CCSER1: variants seen among roughly 807,000 people sequenced by gnomAD.
CCSER1 encodes serine-rich coiled-coil domain-containing protein 1.
CCSER1 carries 41 observed loss-of-function variants against 82.0 expected under a neutral mutation model. That is an observed-to-expected ratio of 0.50 (90% CI 0.39 to 0.65). CCSER1 has a LOEUF of 0.65. CCSER1 is among the 30% of genes least tolerant of loss of function. The probability of loss-of-function intolerance (pLI) is 0.00; values close to 1 mark genes in which losing one functional copy is unlikely to be tolerated. For missense variants in CCSER1, 1,119 were observed against 1,064.2 expected, an observed-to-expected ratio of 1.05 and a Z score of -0.72; for synonymous variants, 414 against 383.9, an observed-to-expected ratio of 1.08 and a Z score of -0.92.
chr4:90,852,772 C>A (rs541225352), intron 8 of CCSER1, among the ~76,000 whole-genome samples: 1 of 152,116 alleles, frequency 6.6e-6, no homozygotes, highest in Non-Finnish European at 1.5e-5. Flanking sequence ...TTGTTACAAG[C>A]AAATAATTAA....
chr4:90,266,816 G>C (rs559118015), intron 1 of CCSER1, among the ~76,000 whole-genome samples: 31 of 152,116 alleles, frequency 2.0e-4, no homozygotes, highest in African/African-American at 5.5e-4. Context: ...TGGCTAAACT[G>C]TCTGGGGTCC....
chr4:90,602,288 T>C (rs1167805559), intron 5 of CCSER1, among the ~76,000 whole-genome samples: 1 of 152,186 alleles, frequency 6.6e-6, no homozygotes, highest in Non-Finnish European at 1.5e-5. Context: ...TACCTGGTAA[T>C]ATTCCTTGAA....
chr4:90,543,238 A>G (rs60873489), intron 5 of CCSER1, among the ~76,000 whole-genome samples: 2,189 of 152,256 alleles, frequency 0.014, 52 homozygotes, highest in African/African-American at 0.048. Flanking sequence ...CCGAAAGAAT[A>G]TATATCAACC....
intron 1 of CCSER1, among the ~76,000 whole-genome samples, chr4:90,191,419 G>T (rs1440923132): frequency 1.3e-5 from 2 of 152,002 alleles, no homozygotes; most frequent in Admixed American, 6.6e-5. Context: ...CTGGCCCTTT[G>T]TTGGTCAAGA....
At chr4:90,359,863 GTGTATATATA>G (rs1448586652) in intron 3 of CCSER1, among the ~76,000 whole-genome samples, 97 of 146,746 alleles carry the variant, frequency 6.6e-4, no homozygotes, top group African/African-American at 2.3e-3. Flanking sequence ...GTATATATAT[GTGTATATATA>G]TGTGTGTATA....
intron 8 of CCSER1, among the ~76,000 whole-genome samples, chr4:90,834,984 T>C (rs909618485): frequency 2.0e-5 from 3 of 152,228 alleles, no homozygotes; most frequent in African/African-American, 7.2e-5. Flanking sequence ...TTTTATTTTA[T>C]TTTAAAGTAT....
chr4:91,463,694 C>A (rs1035569911), intron 10 of CCSER1, among the ~76,000 whole-genome samples: 8 of 152,022 alleles, frequency 5.3e-5, no homozygotes, highest in Middle Eastern at 3.2e-3. Context: ...GGCACGAGAG[C>A]TACGTGATTA....
intron 6 of CCSER1, among the ~76,000 whole-genome samples, chr4:90,656,576 G>C (rs1729743211): frequency 6.6e-6 from 1 of 151,478 alleles, no homozygotes; most frequent in African/African-American, 2.4e-5. Flanking sequence ...CATATAGTTG[G>C]CTTTTATGGT....
intron 9 of CCSER1, among the ~76,000 whole-genome samples, chr4:91,037,069 T>A (rs2150568430): frequency 6.6e-6 from 1 of 152,132 alleles, no homozygotes; most frequent in South Asian, 2.1e-4. Context: ...AGAGTGAGAC[T>A]CTGTCTCAAA....
At chr4:91,543,535 G>C (rs574207940) in intron 10 of CCSER1, among the ~76,000 whole-genome samples, 1 of 152,124 alleles carries the variant, frequency 6.6e-6, no homozygotes, top group Non-Finnish European at 1.5e-5. Flanking sequence ...TGGCTGTAAA[G>C]GATTTTCTTT....
intron 10 of CCSER1, among the ~76,000 whole-genome samples, chr4:91,277,561 T>G (rs1412982749): frequency 6.6e-6 from 1 of 150,440 alleles, no homozygotes; most frequent in Non-Finnish European, 1.5e-5. Flanking sequence ...ATTTTATTTG[T>G]TTTTTTTCCT....
At chr4:91,043,795 C>T (rs1349271597) in intron 9 of CCSER1, among the ~76,000 whole-genome samples, 1 of 152,046 alleles carries the variant, frequency 6.6e-6, no homozygotes, top group African/African-American at 2.4e-5. Context: ...GCCCTGTTGG[C>T]CAGGTTAGTC....
chr4:90,574,865 T>C (rs1466046217), intron 5 of CCSER1, among the ~76,000 whole-genome samples: 1 of 152,092 alleles, frequency 6.6e-6, no homozygotes. Flanking sequence ...CATCACAAAC[T>C]TTTAATGTCT....
intron 9 of CCSER1, among the ~76,000 whole-genome samples, chr4:91,059,047 A>G (rs2148729597): frequency 6.6e-6 from 1 of 152,154 alleles, no homozygotes; most frequent in African/African-American, 2.4e-5. Flanking sequence ...TACTACTGGT[A>G]AAAAGTAATA....
intron 7 of CCSER1, among the ~76,000 whole-genome samples, chr4:90,783,852 G>A (rs901055651): frequency 1.3e-5 from 2 of 152,118 alleles, no homozygotes; most frequent in African/African-American, 4.8e-5. Context: ...AAGACCAGCT[G>A]TAATTGTAAG....
At chr4:91,379,255 G>A (rs1224084818) in intron 10 of CCSER1, among the ~76,000 whole-genome samples, 3 of 152,134 alleles carry the variant, frequency 2.0e-5, no homozygotes, top group East Asian at 1.9e-4. Flanking sequence ...TCAGGATGAT[G>A]CTGGCCTCAT....
intron 4 of CCSER1, among the ~76,000 whole-genome samples, chr4:90,437,508 T>C (rs903910501): frequency 9.2e-5 from 14 of 152,206 alleles, no homozygotes; most frequent in African/African-American, 3.4e-4. Flanking sequence ...TCTTTAAAAA[T>C]TGATTAATAT....
At chr4:91,411,125 T>A (rs1406282231) in intron 10 of CCSER1, among the ~76,000 whole-genome samples, 1 of 151,952 alleles carries the variant, frequency 6.6e-6, no homozygotes, top group East Asian at 1.9e-4. Flanking sequence ...TACTATCTTT[T>A]GGGACTCTTC....
At chr4:91,135,075 A>C (rs898670715) in intron 10 of CCSER1, among the ~76,000 whole-genome samples, 1 of 151,844 alleles carries the variant, frequency 6.6e-6, no homozygotes, top group African/African-American at 2.4e-5. Flanking sequence ...AAAAAAAAAA[A>C]CTATTCTTAC....
Sources: gnomAD v4.1 joint callset for allele counts (sites outside exome capture counted in the v4.1 genomes callset) on GRCh38, gnomAD v4.1.1 for gene constraint, MANE v1.5 for transcripts, NCBI Gene and HGNC (gene_info 2026-07-23, HGNC 2026-07-21) for gene names.